ZIM2: variants seen among roughly 807,000 people sequenced by gnomAD.
The protein encoded by ZIM2 is zinc finger protein 656.
Under a neutral mutation model 38.6 loss-of-function variants are expected in ZIM2, and 14 were observed. The observed-to-expected ratio is 0.36, with a 90% CI of 0.24 to 0.57. The LOEUF is 0.57. ZIM2 is among the 20% of genes least tolerant of loss of function. The pLI, the probability that ZIM2 is intolerant of heterozygous loss-of-function variation, is 0.81. For synonymous variants in ZIM2, 247 were observed against 245.8 expected (o/e 1.00, Z -0.04); for missense variants, 680 against 695.1 (o/e 0.98, Z 0.24).
intron 9 of ZIM2, chr19:56,817,114 T>C (rs747693449): frequency 6.2e-7 from 1 of 1,614,184 alleles, no homozygotes; most frequent in Non-Finnish European, 8.5e-7. Flanking sequence ...ATCAATTGGC[T>C]GTGACTCGGT....
chr19:56,781,325 AACTTTTC>A (rs2046321368), intron 11 of ZIM2, among the ~76,000 whole-genome samples: 1 of 151,784 alleles, frequency 6.6e-6, no homozygotes, highest in East Asian at 2.0e-4. Flanking sequence ...TGGCAACGTA[AACTTTTC>A]ACTTTTCACT....
At chr19:56,791,061 C>T (rs1276069908) in intron 9 of ZIM2, 1 of 152,172 alleles carries the variant, frequency 6.6e-6, no homozygotes, top group Non-Finnish European at 1.5e-5. Context: ...CTAGGGAACT[C>T]TCTTTCCTTC....
Position 56,779,358 on chromosome 19 carries a change from C to T in ZIM2, c.835+19G>A. 1 of 1,612,410 alleles carries T rather than the reference C, an allele frequency of 6.2e-7. No individual in the cohort carries two copies. On this transcript the variant is annotated intron_variant, in intron 12 of 12. Transcript: ENST00000629319. ...CTGGTTCCCCCTCCTACACCCCGGGCTTCCCCCTCACTACTCACCTTGACA... is the reference window on the plus strand; with the variant it reads ...CTGGTTCCCCCTCCTACACCCCGGGTTTCCCCCTCACTACTCACCTTGACA...
intron 10 of ZIM2, among the ~76,000 whole-genome samples, chr19:56,783,182 A>G (rs1050212701): frequency 6.6e-6 from 1 of 152,220 alleles, no homozygotes; most frequent in African/African-American, 2.4e-5. Flanking sequence ...ACATTCATTA[A>G]CAGTAGAAGA....
chr19:56,812,751 G>A, intron 9 of ZIM2: 4 of 984,272 alleles, frequency 4.1e-6, no homozygotes, highest in Middle Eastern at 5.2e-4. Context: ...AGGCAAAGAT[G>A]TAAGATTTAC....
intron 9 of ZIM2, chr19:56,813,708 G>C (rs1339914792): frequency 1.2e-6 from 2 of 1,613,768 alleles, no homozygotes; most frequent in Non-Finnish European, 8.5e-7. Context: ...GTCTGGCGAG[G>C]GACAGGCGGT....
At chr19:56,800,629 TTA>T (rs1289180277) in intron 9 of ZIM2, among the ~76,000 whole-genome samples, 1 of 152,082 alleles carries the variant, frequency 6.6e-6, no homozygotes, top group East Asian at 1.9e-4. Flanking sequence ...GAAAAGATTT[TTA>T]GACATAAAGA....
intron 9 of ZIM2, chr19:56,811,134 GT>G: frequency 1.0e-6 from 1 of 982,314 alleles, no homozygotes; most frequent in Non-Finnish European, 1.2e-6. Flanking sequence ...TTTTCCAAGT[GT>G]GTGATAATGA....
intron 9 of ZIM2, among the ~76,000 whole-genome samples, chr19:56,805,661 G>A (rs2047724163): frequency 6.6e-6 from 1 of 152,118 alleles, no homozygotes; most frequent in African/African-American, 2.4e-5. Context: ...CACTTATGTG[G>A]TATTCCAGGA....
chr19:56,810,871 G>A (rs2059491031), intron 9 of ZIM2: 5 of 965,774 alleles, frequency 5.2e-6, no homozygotes, highest in Non-Finnish European at 6.2e-6. Context: ...CTCTGGGTAT[G>A]TATTATGCAC....
chr19:56,815,219 T>TGTGGGTCTCCTCCCC, intron 9 of ZIM2: 1 of 1,613,968 alleles, frequency 6.2e-7, no homozygotes, highest in Non-Finnish European at 8.5e-7. Flanking sequence ...GTCTCCTCGC[T>TGTGGGTCTCCTCCCC]GTGGGTCTCC....
rs570880398 is a variant in ZIM2, at chr19:56,775,754, G to A, written c.836-225C>T. ...ACCAAGGATAACAAACAGATCTTAT[G>A]GAGGTTGAGAGAGTTTTCTGAAAAC... On this transcript the variant is annotated intron_variant, in intron 12 of 12. Coordinates refer to ENST00000629319, the MANE Select transcript of ZIM2 (RefSeq NM_001387356.1). Among the ~76,000 whole-genome samples the A allele has an allele frequency of 2.1e-4, 32 of 152,048 alleles. 1 individual carries two copies. Among genetic ancestry groups the A allele is most frequent in the Admixed American group, 1.0e-3 (16 of 15,248 alleles).
At chr19:56,829,154 C>A (rs551638987) in intron 2 of ZIM2, among the ~76,000 whole-genome samples, 4 of 152,028 alleles carry the variant, frequency 2.6e-5, no homozygotes, top group Non-Finnish European at 5.9e-5. Context: ...AGTTCGAGAC[C>A]AGCCTGGCCA....
intron 10 of ZIM2, among the ~76,000 whole-genome samples, chr19:56,788,772 T>C (rs1304841042): frequency 6.6e-6 from 1 of 152,182 alleles, no homozygotes; most frequent in African/African-American, 2.4e-5. Flanking sequence ...TCCCCGTCAC[T>C]TTCAGGTACA....
intron 2 of ZIM2, among the ~76,000 whole-genome samples, chr19:56,828,892 T>A (rs2061313674): frequency 6.6e-6 from 1 of 152,060 alleles, no homozygotes; most frequent in Non-Finnish European, 1.5e-5. Context: ...CTAGTGAGGG[T>A]GTAGAGAAGC....
At chr19:56,824,791 C>T in intron 3 of ZIM2, 1 of 831,364 alleles carries the variant, frequency 1.2e-6, no homozygotes, top group Non-Finnish European at 1.9e-6. Context: ...GAAGACCAGG[C>T]AGCAGTGGAG....
chr19:56,801,612 C>T (rs10425564), intron 9 of ZIM2, among the ~76,000 whole-genome samples: 120,163 of 152,122 alleles, frequency 0.79, 47,585 homozygotes, highest in South Asian at 0.85. Context: ...ACTGGGCAGA[C>T]GTCCAGTCCC....
chr19:56,780,526 G>A (rs939877036), intron 11 of ZIM2, among the ~76,000 whole-genome samples: 1 of 152,128 alleles, frequency 6.6e-6, no homozygotes, highest in Non-Finnish European at 1.5e-5. Flanking sequence ...TTACAGGCGT[G>A]AGCCACTGCG....
intron 9 of ZIM2, among the ~76,000 whole-genome samples, chr19:56,803,207 A>G (rs1441435319): frequency 6.6e-6 from 1 of 152,200 alleles, no homozygotes; most frequent in East Asian, 1.9e-4. Context: ...TGACCCCCAC[A>G]TAACTTTGAA....
Sources: gnomAD v4.1 joint callset for allele counts (sites outside exome capture counted in the v4.1 genomes callset) on GRCh38, gnomAD v4.1.1 for gene constraint, MANE v1.5 for transcripts, NCBI Gene and HGNC (gene_info 2026-07-23, HGNC 2026-07-21) for gene names.